Variants in GRIK4 observed in about 807,000 individuals in gnomAD.
GRIK4 encodes glutamate receptor ionotropic, kainate 4.
Under a neutral mutation model 104.9 loss-of-function variants are expected in GRIK4, and 40 were observed. The observed-to-expected ratio is 0.38, with a 90% CI of 0.30 to 0.50. The LOEUF (loss-of-function observed/expected upper bound fraction) is 0.50. Ranked by LOEUF, GRIK4 falls within the 20% of genes least tolerant of loss-of-function variation. The probability of loss-of-function intolerance (pLI) is 0.93; values close to 1 mark genes in which losing one functional copy is unlikely to be tolerated. For synonymous variants in GRIK4, 485 were observed against 524.9 expected (o/e 0.92, Z 1.04); for missense variants, 1,047 against 1,308.1 (o/e 0.80, Z 3.08).
At chr11:120,925,411 G>A (rs938318308) in intron 13 of GRIK4, among the ~76,000 whole-genome samples, 6 of 152,160 alleles carry the variant, frequency 3.9e-5, no homozygotes, top group Non-Finnish European at 7.4e-5. Flanking sequence ...CCATAGCCTC[G>A]AAATAAGTGT....
chr11:120,836,442 G>A, intron 7 of GRIK4, among the ~76,000 whole-genome samples: 1 of 152,188 alleles, frequency 6.6e-6, no homozygotes, highest in East Asian at 1.9e-4. Context: ...GATCATTATT[G>A]TAGTCTTTTT....
intron 1 of GRIK4, among the ~76,000 whole-genome samples, chr11:120,586,841 G>A (rs1218931484): frequency 1.3e-5 from 2 of 152,180 alleles, no homozygotes; most frequent in African/African-American, 2.4e-5. Context: ...TGTGTGGTTA[G>A]GATCAGGCCC....
chr11:120,770,254 T>A (rs1951916701), intron 3 of GRIK4, among the ~76,000 whole-genome samples: 1 of 152,228 alleles, frequency 6.6e-6, no homozygotes, highest in Non-Finnish European at 1.5e-5. Flanking sequence ...AGCACAGAGC[T>A]GCCTGGGTGA....
At chr11:120,624,526 C>T (rs1949230963) in intron 1 of GRIK4, among the ~76,000 whole-genome samples, 1 of 152,132 alleles carries the variant, frequency 6.6e-6, no homozygotes, top group African/African-American at 2.4e-5. Context: ...CCTGCTTGCC[C>T]CTCCTTGCTG....
intron 1 of GRIK4, among the ~76,000 whole-genome samples, chr11:120,588,288 T>C (rs1948693342): frequency 1.3e-5 from 2 of 152,086 alleles, no homozygotes; most frequent in South Asian, 4.1e-4. Flanking sequence ...AGTATGGTGT[T>C]CTTGAAGTGG....
At chr11:120,821,737 G>A (rs1953131468) in intron 6 of GRIK4, among the ~76,000 whole-genome samples, 1 of 152,212 alleles carries the variant, frequency 6.6e-6, no homozygotes, top group Admixed American at 6.5e-5. Context: ...AGCAAGTTGG[G>A]TGCATTCAGG....
chr11:120,569,434 C>T (rs1948370095), intron 1 of GRIK4, among the ~76,000 whole-genome samples: 1 of 152,242 alleles, frequency 6.6e-6, no homozygotes, highest in African/African-American at 2.4e-5. Context: ...CACTCTTGGA[C>T]TGGAACAGAT....
At chr11:120,560,073 A>G (rs750674205) in intron 1 of GRIK4, among the ~76,000 whole-genome samples, 23 of 150,552 alleles carry the variant, frequency 1.5e-4, no homozygotes, top group Non-Finnish European at 2.5e-4. Flanking sequence ...TTTTTTTGAG[A>G]CAGTCTCACT....
intron 3 of GRIK4, among the ~76,000 whole-genome samples, chr11:120,674,919 A>G (rs73582528): frequency 0.014 from 2,138 of 152,298 alleles, 48 homozygotes; most frequent in African/African-American, 0.048. Context: ...CCTGGAGAAG[A>G]GGGAGAACTT....
chr11:120,971,850 AT>A (rs1810695100), intron 19 of GRIK4, among the ~76,000 whole-genome samples: 1 of 152,154 alleles, frequency 6.6e-6, no homozygotes, highest in South Asian at 2.1e-4. Flanking sequence ...CTCGGTTTGA[AT>A]AGGTAGGATG....
At chr11:120,980,895 C>A (rs1944640517) in intron 19 of GRIK4, among the ~76,000 whole-genome samples, 1 of 151,994 alleles carries the variant, frequency 6.6e-6, no homozygotes, top group Non-Finnish European at 1.5e-5. Context: ...TAAAAGGAAA[C>A]CCTGGGCATA....
At chr11:120,765,244 G>A (rs937243595) in intron 3 of GRIK4, among the ~76,000 whole-genome samples, 4 of 150,924 alleles carry the variant, frequency 2.7e-5, no homozygotes, top group Admixed American at 1.3e-4. Context: ...CTGCTTGATC[G>A]GTTTGGCTAT....
chr11:120,567,916 A>G (rs1948351227), intron 1 of GRIK4, among the ~76,000 whole-genome samples: 1 of 152,234 alleles, frequency 6.6e-6, no homozygotes, highest in Non-Finnish European at 1.5e-5. Context: ...ATGGTGGCTC[A>G]TGCCTATAAT....
At chr11:120,646,046 A>G (rs1949539486) in intron 1 of GRIK4, among the ~76,000 whole-genome samples, 1 of 152,184 alleles carries the variant, frequency 6.6e-6, no homozygotes, top group Non-Finnish European at 1.5e-5. Flanking sequence ...TGGGGGTCCA[A>G]CTGATTGTCG....
intron 1 of GRIK4, among the ~76,000 whole-genome samples, chr11:120,597,221 C>T (rs1337827402): frequency 6.6e-6 from 1 of 152,224 alleles, no homozygotes; most frequent in African/African-American, 2.4e-5. Flanking sequence ...CTTGCGGGGC[C>T]GCTCCCTCTC....
At chr11:120,741,909 G>C (rs1951340130) in intron 3 of GRIK4, among the ~76,000 whole-genome samples, 1 of 152,206 alleles carries the variant, frequency 6.6e-6, no homozygotes, top group African/African-American at 2.4e-5. Flanking sequence ...GCTAAGAGGA[G>C]ACATAGATCT....
chr11:120,874,185 G>T lies in GRIK4; in HGVS notation c.1026G>T (p.Gln342His). 6.2e-7 allele frequency: 1 copy of T among 1,613,194 alleles called. No homozygotes were observed. The highest frequency in any genetic ancestry group is 8.5e-7 in the Non-Finnish European group (1 of 1,179,884). Reference protein sequence around the residue: ...PLSCGSAQIWQHGTSLMNYLR... With the variant: ...PLSCGSAQIWHHGTSLMNYLR... ...CCTGCGGCTCGGCCCAGATCTGGCA[G>T]CACGGCACCAGCCTCATGAACTACC... is the stretch of plus-strand genomic sequence containing the variant. The change falls in exon 10 of 21, where the codon CAG becomes CAT. Residue 342 changes from glutamine to histidine, a missense_variant. Around this residue, in one of 3 missense-constraint regions of GRIK4, gnomAD observed 447 missense variants for 514.9 expected, o/e 0.87. Coordinates refer to ENST00000527524, the MANE Select transcript of GRIK4 (RefSeq NM_014619.5).
At chr11:120,969,042 A>G (rs1944430530) in intron 19 of GRIK4, among the ~76,000 whole-genome samples, 1 of 152,178 alleles carries the variant, frequency 6.6e-6, no homozygotes, top group African/African-American at 2.4e-5. Context: ...TAGCCATTCC[A>G]TCAATAGGGA....
intron 3 of GRIK4, among the ~76,000 whole-genome samples, chr11:120,668,143 ATAG>A (rs1949950783): frequency 6.7e-6 from 1 of 148,566 alleles, no homozygotes; most frequent in East Asian, 1.9e-4. Flanking sequence ...AGATAGATAG[ATAG>A]ATAAGTAGGT....
Sources: allele counts gnomAD v4.1 joint callset (sites outside exome capture counted in the v4.1 genomes callset), GRCh38; gene constraint gnomAD v4.1.1; regional missense constraint gnomAD v4.1.1; transcripts MANE v1.5; gene names NCBI Gene and HGNC (gene_info 2026-07-23, HGNC 2026-07-21).